SLC24A2: variants seen among roughly 807,000 people sequenced by gnomAD.
SLC24A2 encodes the protein solute carrier family 24 member 2, also known as sodium/potassium/calcium exchanger 2.
A neutral mutation model predicts 62.0 loss-of-function variants in SLC24A2; 36 were observed. That is an observed-to-expected ratio of 0.58 (90% CI 0.44 to 0.77). SLC24A2 has a LOEUF of 0.77. SLC24A2 is among the 30% of genes least tolerant of loss of function. The pLI is 0.00. For missense variants in SLC24A2, 846 were observed against 817.9 expected (o/e 1.03, Z -0.42); for synonymous variants, 358 against 294.0 (o/e 1.22, Z -2.23).
chr9:19,980,089 G>T, the SLC24A2 span, among the ~76,000 whole-genome samples: 1 of 152,178 alleles, frequency 6.6e-6, no homozygotes, highest in Non-Finnish European at 1.5e-5. Context: ...CTTTTTGGTG[G>T]GACTAAAGGC....
At chr9:19,893,976 A>G in the SLC24A2 span, among the ~76,000 whole-genome samples, 1 of 152,202 alleles carries the variant, frequency 6.6e-6, no homozygotes, top group Non-Finnish European at 1.5e-5. Flanking sequence ...ACTTCTTGGA[A>G]GTGACAAACA....
At chr9:19,681,535 G>C (rs938112834) in intron 2 of SLC24A2, among the ~76,000 whole-genome samples, 1 of 152,080 alleles carries the variant, frequency 6.6e-6, no homozygotes, top group Non-Finnish European at 1.5e-5. Flanking sequence ...GTAATCCCTA[G>C]CCTAACCCAG....
chr9:19,670,586 G>T (rs570535463), intron 2 of SLC24A2, among the ~76,000 whole-genome samples: 1 of 152,124 alleles, frequency 6.6e-6, no homozygotes, highest in Non-Finnish European at 1.5e-5. Context: ...TTTTACAGAT[G>T]GGGGAATTTA....
At chr9:19,673,442 T>C (rs1819475189) in intron 2 of SLC24A2, among the ~76,000 whole-genome samples, 2 of 94,106 alleles carry the variant, frequency 2.1e-5, no homozygotes, top group Admixed American at 1.0e-4. Flanking sequence ...TATGTGTGTG[T>C]GCGTGTGTGT....
chr9:20,113,535 A>C, the SLC24A2 span, among the ~76,000 whole-genome samples: 3 of 152,196 alleles, frequency 2.0e-5, no homozygotes, highest in Admixed American at 6.6e-5. Flanking sequence ...ACTAGTTTTT[A>C]ACTGAAATGT....
At chr9:20,061,056 G>C in the SLC24A2 span, among the ~76,000 whole-genome samples, 1 of 152,122 alleles carries the variant, frequency 6.6e-6, no homozygotes, top group Non-Finnish European at 1.5e-5. Flanking sequence ...TAAATGGAAA[G>C]ACATTCCATG....
chr9:20,099,165 G>A, the SLC24A2 span, among the ~76,000 whole-genome samples: 2 of 152,182 alleles, frequency 1.3e-5, no homozygotes, highest in African/African-American at 4.8e-5. Flanking sequence ...TCCCAAGGGA[G>A]ATTGTATAGC....
In SLC24A2 at chr9:19,529,852, CA is replaced by C. The variant is rs1438589025; in HGVS notation, c.1480-1715del. On this transcript the variant is annotated intron_variant, in intron 8 of 10. Transcript: ENST00000341998. The stretch of plus-strand genomic sequence containing the variant: ...TGCAACCTCTGCCTCCTGGGTCAAG[CA>C]ATTCTCCTGCCTCAGCCTCCTGAGT... Among the ~76,000 whole-genome samples the C allele has an allele frequency of 4.0e-5, 6 of 150,582 alleles. 1 individual carries two copies. The highest frequency in any genetic ancestry group is 1.5e-4 in the African/African-American group (6 of 40,888).
the SLC24A2 span, among the ~76,000 whole-genome samples, chr9:19,880,200 T>C: frequency 6.6e-6 from 1 of 152,214 alleles, no homozygotes; most frequent in Non-Finnish European, 1.5e-5. Context: ...GGTAGCATGA[T>C]ATGTGTTCTT....
the SLC24A2 span, among the ~76,000 whole-genome samples, chr9:20,106,490 C>A: frequency 2.0e-5 from 3 of 152,154 alleles, no homozygotes; most frequent in Non-Finnish European, 4.4e-5. Flanking sequence ...CATCAAAAAG[C>A]TTATCTACCA....
At chr9:20,185,315 A>G in the SLC24A2 span, among the ~76,000 whole-genome samples, 1 of 152,202 alleles carries the variant, frequency 6.6e-6, no homozygotes. Flanking sequence ...TCAAAACATC[A>G]TATTGTACAC....
At chr9:20,120,409 G>A in the SLC24A2 span, among the ~76,000 whole-genome samples, 1 of 152,076 alleles carries the variant, frequency 6.6e-6, no homozygotes, top group Non-Finnish European at 1.5e-5. Context: ...TTTGCAGCTG[G>A]AGTTGGAGCT....
intron 7 of SLC24A2, among the ~76,000 whole-genome samples, chr9:19,563,291 C>G (rs1369647590): frequency 6.6e-6 from 1 of 152,112 alleles, no homozygotes; most frequent in Non-Finnish European, 1.5e-5. Flanking sequence ...TATTATACTT[C>G]ACTGATGTTC....
chr9:19,525,386 CTTTACTTTTTTTTTTTTTTTTTTTTTTTT>C (rs1833390415), intron 9 of SLC24A2, among the ~76,000 whole-genome samples: 1 of 47,200 alleles, frequency 2.1e-5, no homozygotes, highest in African/African-American at 7.8e-5. Context: ...TTTCCTATTT[CTTTACTTTTTTTTTTTTTTTTTTTTTTTT>C]TTTTAAAAGA....
At position 19,513,652 on chromosome 9, in the gene SLC24A2, A is replaced by T. The variant is rs1455454182; in HGVS notation, c.*2501T>A. ...GAGGGAGTGAGGAGGCAGAGGGAGG[A>T]TCAGGAATAAGAAGAGGGCGGCATC... On this transcript the variant is annotated 3_prime_UTR_variant, in exon 11 of 11. Transcript: ENST00000341998. 6.6e-6 allele frequency: 1 copy of T among 152,140 alleles called. No homozygotes were observed. The highest frequency in any genetic ancestry group is 2.4e-5 in the African/African-American group (1 of 41,402). 9.4% of individuals were successfully genotyped at this position (152,140 alleles called of 1,614,324 possible).
chr9:19,542,065 C>A (rs557312404), intron 8 of SLC24A2, among the ~76,000 whole-genome samples: 1 of 152,272 alleles, frequency 6.6e-6, no homozygotes, highest in South Asian at 2.1e-4. Flanking sequence ...TGCTTCGGCT[C>A]GCGCACGGTG....
chr9:19,881,479 A>G, the SLC24A2 span, among the ~76,000 whole-genome samples: 4 of 152,306 alleles, frequency 2.6e-5, no homozygotes, highest in South Asian at 2.1e-4. Context: ...CGGCACAAAA[A>G]AGACATAATA....
At chr9:19,683,501 A>C (rs143797998) in intron 2 of SLC24A2, among the ~76,000 whole-genome samples, 1 of 151,420 alleles carries the variant, frequency 6.6e-6, no homozygotes, top group African/African-American at 2.4e-5. Flanking sequence ...TCTTCATTTC[A>C]CATTCAGTGT....
At chr9:19,889,471 A>ACCAGTCC in the SLC24A2 span, among the ~76,000 whole-genome samples, 1 of 151,378 alleles carries the variant, frequency 6.6e-6, no homozygotes, top group Non-Finnish European at 1.5e-5. Flanking sequence ...GTAGTTCCAA[A>ACCAGTCC]ACAGTCCATA....
Sources: allele counts gnomAD v4.1 joint callset (sites outside exome capture counted in the v4.1 genomes callset), GRCh38; gene constraint gnomAD v4.1.1; transcripts MANE v1.5; gene names NCBI Gene and HGNC (gene_info 2026-07-23, HGNC 2026-07-21).